The following ARAP2 variants were observed in gnomAD, a reference collection of about 807,000 sequenced individuals.
ARAP2 encodes arf-GAP with Rho-GAP domain, ANK repeat and PH domain-containing protein 2.
A neutral mutation model predicts 194.5 loss-of-function variants in ARAP2; 148 were observed. The observed-to-expected ratio is 0.76, with a 90% CI of 0.67 to 0.87. The LOEUF (loss-of-function observed/expected upper bound fraction) is 0.87. ARAP2 is among the 40% of genes least tolerant of loss of function. The pLI is 0.00. For synonymous variants in ARAP2, 695 were observed against 683.5 expected, an observed-to-expected ratio of 1.02 and a Z score of -0.26; for missense variants, 2,128 against 1,989.7, an observed-to-expected ratio of 1.07 and a Z score of -1.32.
chr4:36,054,632 T>A (rs1327680869), intron 2 of ARAP2, among the ~76,000 whole-genome samples: 1 of 152,202 alleles, frequency 6.6e-6, no homozygotes, highest in Non-Finnish European at 1.5e-5. Context: ...CCAATTTTTT[T>A]ATTTAATTAC....
chr4:36,062,962 G>C (rs1251456775), downstream of ARAP2, among the ~76,000 whole-genome samples: 1 of 152,100 alleles, frequency 6.6e-6, no homozygotes, highest in Non-Finnish European at 1.5e-5. Flanking sequence ...TGTGATGATT[G>C]TACACATGAC....
intron 6 of ARAP2, among the ~76,000 whole-genome samples, chr4:36,207,784 A>G (rs1025810550): frequency 4.6e-5 from 7 of 152,188 alleles, no homozygotes; most frequent in Non-Finnish European, 1.5e-5. Flanking sequence ...AATTGTTAAA[A>G]AAAAAACCCA....
At chr4:36,207,467 G>C (rs1255313506) in intron 6 of ARAP2, among the ~76,000 whole-genome samples, 1 of 152,072 alleles carries the variant, frequency 6.6e-6, no homozygotes, top group Non-Finnish European at 1.5e-5. Flanking sequence ...TTTTAAACTG[G>C]AAATGTTTCA....
At chr4:36,120,801 A>C (rs186493729) in intron 23 of ARAP2, among the ~76,000 whole-genome samples, 1 of 151,782 alleles carries the variant, frequency 6.6e-6, no homozygotes, top group African/African-American at 2.4e-5. Flanking sequence ...AAAAGAAAAA[A>C]CCAAAGGGCT....
rs1381252413 is a variant in ARAP2, at chr4:36,147,679, T to C, written c.3068A>G (p.Tyr1023Cys). Residue 1023 changes from tyrosine to cysteine, a missense_variant, in exon 18 of 33, where the codon TAC becomes TGC. Physicochemically the swap from Tyr to Cys is radical, Grantham distance 194 (BLOSUM62 -2). Transcript: ENST00000303965. ...ADYDLIGQLF[Y>C]KDCHALDQWR... ...CTGATCCAGGGCATGGCAGTCTTTG[T>C]AGAAGAGTTGACCAATCAAATCATA... 5 of 1,613,188 alleles carry C rather than the reference T, an allele frequency of 3.1e-6. No individual in the cohort carries two copies. Among genetic ancestry groups the C allele is most frequent in the Non-Finnish European group, 4.2e-6 (5 of 1,179,618 alleles).
intron 9 of ARAP2, among the ~76,000 whole-genome samples, chr4:36,176,240 TA>T (rs11287090): frequency 0.89 from 135,092 of 152,060 alleles, 60,210 homozygotes; most frequent in East Asian, 1. Flanking sequence ...CTACAAAACA[TA>T]GACAAAAATG....
intron 22 of ARAP2, among the ~76,000 whole-genome samples, chr4:36,122,294 T>G (rs959758513): frequency 6.6e-6 from 1 of 151,770 alleles, no homozygotes; most frequent in African/African-American, 2.4e-5. Flanking sequence ...TATAAATCAT[T>G]ATATTATAAA....
intron 5 of ARAP2, among the ~76,000 whole-genome samples, chr4:36,023,687 G>A (rs1717399551): frequency 6.6e-6 from 1 of 152,252 alleles, no homozygotes; most frequent in East Asian, 1.9e-4. Context: ...AATTTCAGCA[G>A]TGAACTCGAC....
chr4:36,037,322 T>C (rs1720090675), intron 5 of ARAP2, among the ~76,000 whole-genome samples: 1 of 152,174 alleles, frequency 6.6e-6, no homozygotes, highest in South Asian at 2.1e-4. Context: ...CTGTCATTCC[T>C]CAACTTTGCC....
chr4:36,129,623 C>T (rs574775587), intron 20 of ARAP2, among the ~76,000 whole-genome samples: 19 of 151,666 alleles, frequency 1.3e-4, no homozygotes, highest in Non-Finnish European at 2.5e-4. Flanking sequence ...TTCTCCCTTC[C>T]CTCTGTGACT....
At chr4:36,108,242 CCTT>C (rs915554881) in intron 26 of ARAP2, among the ~76,000 whole-genome samples, 55 of 151,974 alleles carry the variant, frequency 3.6e-4, no homozygotes, top group African/African-American at 1.3e-3. Context: ...TTTAGGGAAA[CCTT>C]CTTATTTTTA....
rs1044355507 is a variant in ARAP2, at chr4:36,232,054, T to C, written c.-159-2409A>G. 3.9e-5 allele frequency among the ~76,000 whole-genome samples: 6 copies of C among 152,312 alleles called. 1 individual carries two copies. The South Asian group carries it at 1.2e-3, about 32-fold the overall frequency. ...TAAGGACACAGGGAAAAGGTGGCTATCTGTAAGCTAGGAAGAGGAATCTCA... is the reference window on the plus strand; with the variant it reads ...TAAGGACACAGGGAAAAGGTGGCTACCTGTAAGCTAGGAAGAGGAATCTCA... On this transcript the variant is annotated intron_variant, in intron 1 of 32. Coordinates refer to ENST00000303965, the MANE Select transcript of ARAP2 (RefSeq NM_015230.4).
chr4:36,034,952 A>C (rs1719663756), intron 5 of ARAP2, among the ~76,000 whole-genome samples: 1 of 151,972 alleles, frequency 6.6e-6, no homozygotes, highest in Non-Finnish European at 1.5e-5. Flanking sequence ...AATTGTGGTA[A>C]ATTAGCATTT....
chr4:36,023,491 G>A (rs544098765), intron 5 of ARAP2, among the ~76,000 whole-genome samples: 33 of 152,070 alleles, frequency 2.2e-4, no homozygotes, highest in Non-Finnish European at 4.6e-4. Flanking sequence ...CCGTAGGAAA[G>A]GCAGCTGGCA....
rs115880605 is a variant in ARAP2, at chr4:36,043,158, T to C, written n.607+2821A>G. On this transcript the variant is annotated intron_variant and non_coding_transcript_variant, in intron 5 of 12. Coordinates refer to the ARAP2 transcript ENST00000503225. ...CCACCTGCACTCTCTTTAAATGTTT[T>C]TATGTACTACCATGTGCAGACACCT... Among the ~76,000 whole-genome samples, 432 of 152,278 alleles carry C rather than the reference T, an allele frequency of 2.8e-3. 1 individual carries two copies. The highest frequency in any genetic ancestry group is 4.5e-3 in the Non-Finnish European group (308 of 68,022).
chr4:36,011,309 A>G (rs1044606456), intron 9 of ARAP2, among the ~76,000 whole-genome samples: 15 of 152,192 alleles, frequency 9.9e-5, no homozygotes, highest in Non-Finnish European at 1.5e-4. Flanking sequence ...TCTGACCTTT[A>G]ATTCATGATG....
chr4:36,020,522 C>T (rs1470576425), intron 5 of ARAP2, among the ~76,000 whole-genome samples: 3 of 151,778 alleles, frequency 2.0e-5, no homozygotes, highest in Non-Finnish European at 2.9e-5. Flanking sequence ...GAATAATTCA[C>T]GTTGAGAAGC....
At chr4:36,127,842 T>C (rs1724332945) in intron 21 of ARAP2, among the ~76,000 whole-genome samples, 1 of 151,904 alleles carries the variant, frequency 6.6e-6, no homozygotes, top group South Asian at 2.1e-4. Context: ...AAAATAAAAG[T>C]AGCTTCAGTA....
intron 2 of ARAP2, among the ~76,000 whole-genome samples, chr4:36,221,611 G>T (rs1277042787): frequency 6.6e-6 from 1 of 151,966 alleles, no homozygotes; most frequent in Non-Finnish European, 1.5e-5. Context: ...AATAAAATGT[G>T]AAGAAAAAAG....
Sources: gnomAD v4.1 joint callset for allele counts (sites outside exome capture counted in the v4.1 genomes callset) on GRCh38, gnomAD v4.1.1 for gene constraint, MANE v1.5 for transcripts, NCBI Gene and HGNC (gene_info 2026-07-23, HGNC 2026-07-21) for gene names.